Variants in NOTUM observed in about 807,000 individuals in gnomAD.
NOTUM encodes palmitoleoyl-protein carboxylesterase NOTUM.
A neutral mutation model predicts 65.5 loss-of-function variants in NOTUM; 36 were observed. That is an observed-to-expected ratio of 0.55 (90% CI 0.42 to 0.73). The LOEUF (loss-of-function observed/expected upper bound fraction) is 0.73, where lower values mean the gene tolerates loss of function less well. Ranked by LOEUF, NOTUM falls within the 30% of genes least tolerant of loss-of-function variation. The pLI, the probability that NOTUM is intolerant of heterozygous loss-of-function variation, is 0.00. For synonymous variants in NOTUM, 356 were observed against 297.9 expected (o/e 1.20, Z -2.01); for missense variants, 659 against 694.2 (o/e 0.95, Z 0.57).
At chr17:81,959,450 T>C in intron 3 of NOTUM, 21 bp downstream of exon 3, 1 of 1,533,440 alleles carries the variant, frequency 6.5e-7, no homozygotes, top group Non-Finnish European at 8.8e-7. Context: ...CGAGACGCCT[T>C]CCCCAGGGCC....
At chr17:81,957,188 G>T in intron 6 of NOTUM, 114 bp from the exon 7 acceptor site, 3 of 803,888 alleles carry the variant, frequency 3.7e-6, no homozygotes, top group South Asian at 3.5e-5. Context: ...GATGCGTTCT[G>T]AACTGCGGAT....
intron 3 of NOTUM, 124 bp downstream of exon 3, chr17:81,959,347 G>A (rs745537568): frequency 1.3e-6 from 1 of 741,496 alleles, no homozygotes; most frequent in South Asian, 1.8e-5. Context: ...CTTGCTCTTA[G>A]TAAACCCGGG....
At position 81,956,712 on chromosome 17, in the gene NOTUM, T is replaced by C. The variant is rs770383878; in HGVS notation, c.926A>G (p.Gln309Arg). 2.5e-6 allele frequency: 4 copies of C among 1,613,004 alleles called. No homozygotes were observed. Among genetic ancestry groups the C allele is most frequent in the Non-Finnish European group, 1.7e-6 (2 of 1,179,902 alleles). The part of the protein sequence containing the change: ...NGVVPERCRR[Q>R]FQEGEEWNCF... Reference sequence around the variant, plus strand: ...GTTCCACTCCTCGCCCTCCTGGAACTGGCGTCGGCAGCGCTCCGGGACCAC... The same window carrying C: ...GTTCCACTCCTCGCCCTCCTGGAACCGGCGTCGGCAGCGCTCCGGGACCAC... Residue 309 changes from glutamine (Q) to arginine (R), a missense_variant, in exon 8 of 11, where the codon CAG becomes CGG. Gln to Arg is a conservative substitution (Grantham distance 43). Transcript: ENST00000409678.
At chr17:81,954,342 C>G (rs753350597) in intron 9 of NOTUM, 39 bp from the exon 10 acceptor site, 1 of 1,531,814 alleles carries the variant, frequency 6.5e-7, no homozygotes, top group Non-Finnish European at 9.0e-7. Context: ...GCTCCTTACC[C>G]CCTCAGCCCC....
chr17:81,959,082 C>T, intron 3 of NOTUM, 87 bp from the exon 4 acceptor site: 1 of 1,134,310 alleles, frequency 8.8e-7, no homozygotes, highest in Middle Eastern at 2.0e-4. Flanking sequence ...GTTGGGGCTC[C>T]TACTTGGCCC....
rs931454908 is a variant in NOTUM at position 81,953,282 on chromosome 17, C to T, written c.1185-15G>A. 9 of 1,546,240 alleles carry T rather than the reference C, an allele frequency of 5.8e-6. No individual in the cohort carries two copies. Among genetic ancestry groups the T allele is most frequent in the African/African-American group, 2.9e-5 (2 of 67,818 alleles). On this transcript the variant is annotated splice_polypyrimidine_tract_variant and intron_variant, in intron 10 of 10. Transcript: ENST00000409678. ...CCGTCCAGTGGCTGCAGAGGAAAAC[C>T]GGGGGAGGGGGTCACATGTGCGGAG...
intron 3 of NOTUM, 196 bp downstream of exon 3, chr17:81,959,275 C>T: frequency 1.6e-6 from 1 of 613,186 alleles, no homozygotes; most frequent in Admixed American, 2.9e-5. Flanking sequence ...GCCAGAGCCG[C>T]TGGGTAAGCG....
rs567343410 is a variant in NOTUM, at chr17:81,952,728, G to A, written c.*233C>T. ...CTTCTGGCTACCCCCTCGTTGTCAGGAAGGACCCCCAGGCCACAGATGGGG... is the reference window on the plus strand; with the variant it reads ...CTTCTGGCTACCCCCTCGTTGTCAGAAAGGACCCCCAGGCCACAGATGGGG... On this transcript the variant is annotated 3_prime_UTR_variant, in exon 11 of 11. Transcript: ENST00000409678. 4 of 575,240 alleles carry A rather than the reference G, an allele frequency of 7.0e-6. No individual in the cohort carries two copies. The South Asian group carries it at 8.5e-5, about 12-fold the overall frequency. 35.6% of individuals were successfully genotyped at this position (575,240 alleles called of 1,614,324 possible).
chr17:81,954,186 C>T lies in NOTUM; in HGVS notation c.1184+70G>A, dbSNP rs372831072. The stretch of plus-strand genomic sequence containing the variant: ...GAAGAGGCCCATGGGAGGCCAAGTG[C>T]GGTTGGGGAGCATGTGGACTTTTGA... On this transcript the variant is annotated intron_variant, in intron 10 of 10. Transcript: ENST00000409678. The T allele has an allele frequency of 6.1e-4, 701 of 1,140,608 alleles. 7 individuals carry two copies. In the South Asian group the frequency reaches 7.8e-3, roughly 13 times the overall value. The allele number at this position is 1,140,608 out of a possible 1,614,324, so 70.7% of individuals were successfully genotyped here.
intron 7 of NOTUM, 65 bp from the exon 8 acceptor site, chr17:81,956,815 T>C: frequency 1.3e-6 from 2 of 1,591,820 alleles, no homozygotes; most frequent in Non-Finnish European, 8.6e-7. Context: ...CACCCACAGA[T>C]GCCACTCCAC....
rs1209271728 is a variant in NOTUM at position 81,954,247 on chromosome 17, G to A, written c.1184+9C>T. Reference sequence around the variant, plus strand: ...ATGGACGCAAGCTGCCCGGAGCAGGGACACTGACCTCCGGATGATGATCTC... The same window carrying A: ...ATGGACGCAAGCTGCCCGGAGCAGGAACACTGACCTCCGGATGATGATCTC... On this transcript the variant is annotated intron_variant, in intron 10 of 10. Transcript: ENST00000409678. 2 of 1,607,320 alleles carry A rather than the reference G, an allele frequency of 1.2e-6. No homozygotes were observed. The highest frequency in any genetic ancestry group is 1.3e-5 in the African/African-American group (1 of 74,876).
In NOTUM at chr17:81,958,941, T is replaced by A; in HGVS notation, c.527A>T (p.Asn176Ile). 1 of 1,612,672 alleles carries A rather than the reference T, an allele frequency of 6.2e-7. No individual in the cohort carries two copies. The highest frequency in any genetic ancestry group is 8.5e-7 in the Non-Finnish European group (1 of 1,179,340). ...PEENPYWWNA[N>I]MVFIPYCSSD... ...AGACCCTGTGCCCCCTTACACCATGTTTGCGTTCCACCAGTAGGGGTTCTC... is the reference window on the plus strand; with the variant it reads ...AGACCCTGTGCCCCCTTACACCATGATTGCGTTCCACCAGTAGGGGTTCTC... Residue 176 changes from asparagine (N) to isoleucine (I), a missense_variant, in exon 4 of 11, where the codon AAC becomes ATC. Coordinates refer to ENST00000409678, the MANE Select transcript of NOTUM (RefSeq NM_178493.6).
At position 81,955,521 on chromosome 17, in the gene NOTUM, GC is replaced by G. The variant is rs1326861341; in HGVS notation, c.1011del (p.Trp337CysfsTer8). Reference protein sequence around the residue: ...TLRCPVFVVQWLFDEAQLTVD... With the variant: ...TLRCPVFVVQXLFDEAQLTVD... ...ACCGTCAGCTGTGCCTCGTCAAACA[GC>G]CACTGCACCACGAACACAGGGCCTG... On this transcript the variant is annotated frameshift_variant, in exon 9 of 11. Coordinates refer to ENST00000409678, the MANE Select transcript of NOTUM (RefSeq NM_178493.6). LOFTEE classifies it high-confidence loss of function. 1 of 1,611,414 alleles carries G rather than the reference GC, an allele frequency of 6.2e-7. No individual in the cohort carries two copies. Among genetic ancestry groups the G allele is most frequent in the Non-Finnish European group, 8.5e-7 (1 of 1,179,288 alleles).
intron 1 of NOTUM, 27 bp from the exon 2 acceptor site, chr17:81,959,719 G>C: frequency 7.1e-7 from 1 of 1,405,498 alleles, no homozygotes; most frequent in Non-Finnish European, 9.3e-7. Context: ...ACCGCGGGGG[G>C]TCGGCCAGGG....
At chr17:81,959,343 C>T in intron 3 of NOTUM, 128 bp downstream of exon 3, 2 of 715,934 alleles carry the variant, frequency 2.8e-6, no homozygotes, top group Admixed American at 2.7e-5. Flanking sequence ...GCCCCTTGCT[C>T]TTAGTAAACC....
chr17:81,954,153 A>G, intron 10 of NOTUM, 103 bp downstream of exon 10: 1 of 773,954 alleles, frequency 1.3e-6, no homozygotes, highest in African/African-American at 1.7e-5. Flanking sequence ...CACCCCTAGA[A>G]GCGCCAAGAA....
In NOTUM at chr17:81,960,559, G is replaced by GC. The variant is rs1428385541; in HGVS notation, c.323+27dup. The stretch of plus-strand genomic sequence containing the variant: ...CCGGAGACCGGGCGCGTCGGGCGGG[G>GC]CGGGGAGGTGCAGGGCGCGGGCCTT... On this transcript the variant is annotated intron_variant, in intron 1 of 10. Coordinates refer to ENST00000409678, the MANE Select transcript of NOTUM (RefSeq NM_178493.6). The surrounding 1 kb of genome is among the most constrained non-coding windows in gnomAD (Gnocchi z 6.4). 2 of 1,423,978 alleles carry GC rather than the reference G, an allele frequency of 1.4e-6. No homozygotes were observed. The highest frequency in any genetic ancestry group is 1.9e-6 in the Non-Finnish European group (2 of 1,066,584). The allele number at this position is 1,423,978 out of a possible 1,614,324, so 88.2% of individuals were successfully genotyped here.
At chr17:81,955,615 A>C in intron 8 of NOTUM, 71 bp from the exon 9 acceptor site, 27 of 1,341,862 alleles carry the variant, frequency 2.0e-5, no homozygotes, top group South Asian at 2.6e-5. Flanking sequence ...CTCACAGCTC[A>C]GCACCCCCAG....
In NOTUM at chr17:81,960,645, G is replaced by A; in HGVS notation, c.265C>T (p.Leu89=). ...GTGTTGAGTAGGAGGTGCAGGCGCA[G>A]GTCCTCGTTGAGCTGCTGCGCGGAG... ...PCSAQQLNED[L]RLHLLLNTSV... is the part of the protein sequence containing the mutation. Residue 89 remains leucine (L), a synonymous_variant, in exon 1 of 11, where the codon CTG becomes TTG. Transcript: ENST00000409678. This position sits in a 1 kb window ranked among gnomAD's most constrained non-coding sequence, Gnocchi z 6.4. The A allele has an allele frequency of 3.8e-6, 6 of 1,570,010 alleles. No individual in the cohort carries two copies. Among genetic ancestry groups the A allele is most frequent in the Admixed American group, 1.8e-5 (1 of 55,074 alleles).
Sources: gnomAD v4.1 joint callset for allele counts on GRCh38, gnomAD v4.1.1 for gene constraint, Gnocchi (gnomAD v3.1) non-coding constraint, MANE v1.5 for transcripts, NCBI Gene and HGNC (gene_info 2026-07-23, HGNC 2026-07-21) for gene names.